The following ERG variants were observed in gnomAD, a reference collection of about 807,000 sequenced individuals.
ERG encodes transcriptional regulator ERG.
A neutral mutation model predicts 55.3 loss-of-function variants in ERG; 9 were observed. The observed-to-expected ratio is 0.16, with a 90% CI of 0.10 to 0.28. The LOEUF (loss-of-function observed/expected upper bound fraction) is 0.28. Among genes scored for constraint, ERG ranks in the 10% least tolerant of loss-of-function variants. The pLI, the probability that ERG is intolerant of heterozygous loss-of-function variation, is 1.00. For missense variants in ERG, 434 were observed against 631.6 expected, an observed-to-expected ratio of 0.69 and a Z score of 3.35; for synonymous variants, 223 against 237.3, an observed-to-expected ratio of 0.94 and a Z score of 0.55.
intron 2 of ERG, among the ~76,000 whole-genome samples, chr21:38,512,092 A>G (rs2059516634): frequency 6.6e-6 from 1 of 152,150 alleles, no homozygotes; most frequent in South Asian, 2.1e-4. Context: ...AATCACATAA[A>G]CCAACAGCTG....
chr21:38,440,618 C>T (rs1277781172), intron 2 of ERG, among the ~76,000 whole-genome samples: 2 of 151,828 alleles, frequency 1.3e-5, no homozygotes, highest in South Asian at 2.1e-4. Context: ...GTAAGGAGTT[C>T]GAGACCAGCC....
chr21:38,445,370 G>C (rs1175697716), intron 2 of ERG, 34 bp downstream of exon 2: 3 of 1,544,592 alleles, frequency 1.9e-6, no homozygotes, highest in African/African-American at 1.4e-5. Context: ...GAAAATGGGA[G>C]GTCAGGGAGA....
intron 1 of ERG, among the ~76,000 whole-genome samples, chr21:38,648,477 G>A (rs553523132): frequency 2.0e-5 from 3 of 152,224 alleles, no homozygotes; most frequent in Non-Finnish European, 2.9e-5. Flanking sequence ...AGCGTGGACA[G>A]TAAATGGGGT....
chr21:38,615,768 A>G (rs2060255445), intron 1 of ERG, among the ~76,000 whole-genome samples: 2 of 151,856 alleles, frequency 1.3e-5, no homozygotes, highest in Admixed American at 6.6e-5. Context: ...CCTGGTTTGT[A>G]CTGACTGCCA....
At chr21:38,515,248 A>G (rs1402441540) in intron 2 of ERG, among the ~76,000 whole-genome samples, 1 of 151,972 alleles carries the variant, frequency 6.6e-6, no homozygotes, top group Non-Finnish European at 1.5e-5. Context: ...GCAGAGTCAA[A>G]AACAGACAAG....
At position 38,380,421 on chromosome 21, in the gene ERG, C is replaced by G. The variant is rs1987371961; in HGVS notation, c.*2982G>C. ...ATCAAACTAGGAACAAAAACACAGT[C>G]TTGACTGTGATTTGGTGATTTTACC... is the stretch of plus-strand genomic sequence containing the variant. On this transcript the variant is annotated 3_prime_UTR_variant, in exon 10 of 10. Transcript: ENST00000288319. 5 of 1,063,338 alleles carry G rather than the reference C, an allele frequency of 4.7e-6. No individual in the cohort carries two copies. Among genetic ancestry groups the G allele is most frequent in the Non-Finnish European group, 4.6e-6 (4 of 878,160 alleles). The allele number at this position is 1,063,338 out of a possible 1,614,324, so 65.9% of individuals were successfully genotyped here.
At position 38,383,880 on chromosome 21, in the gene ERG, C is replaced by T. The variant is rs1230185728; in HGVS notation, c.963G>A (p.Leu321=). 6.2e-7 allele frequency: 1 copy of T among 1,613,808 alleles called. No homozygotes were observed. The highest frequency in any genetic ancestry group is 8.5e-7 in the Non-Finnish European group (1 of 1,179,976). ...TGCAGCTGGAGTTGGAGCTGTCCGA[C>T]AGGAGCTCCAGGAGGAACTGCCAAA... is the stretch of plus-strand genomic sequence containing the variant. The part of the protein sequence containing the change: ...IQLWQFLLEL[L]SDSSNSSCIT... Residue 321 remains leucine (L), a synonymous_variant, in exon 10 of 10, where the codon CTG becomes CTA. Coordinates refer to ENST00000288319, the MANE Select transcript of ERG (RefSeq NM_182918.4). The surrounding 1 kb of genome is among the most constrained non-coding windows in gnomAD (Gnocchi z 5.7).
chr21:38,586,621 T>G (rs543736199), upstream of ERG, among the ~76,000 whole-genome samples: 1 of 152,168 alleles, frequency 6.6e-6, no homozygotes, highest in African/African-American at 2.4e-5. Context: ...GGTGGGAACG[T>G]AGATCAGTAC....
chr21:38,415,497 T>C (rs2146484200), intron 3 of ERG, among the ~76,000 whole-genome samples: 1 of 152,220 alleles, frequency 6.6e-6, no homozygotes, highest in African/African-American at 2.4e-5. Flanking sequence ...TCTATTTTAG[T>C]GGGTTTTGTT....
intron 2 of ERG, among the ~76,000 whole-genome samples, chr21:38,439,071 A>G (rs575855275): frequency 5.7e-4 from 87 of 152,280 alleles, no homozygotes; most frequent in African/African-American, 2.0e-3. Context: ...TGGCCTGCAG[A>G]CTGGGCTGAG....
intron 1 of ERG, among the ~76,000 whole-genome samples, chr21:38,583,304 A>G (rs1013071895): frequency 3.3e-5 from 5 of 152,202 alleles, no homozygotes; most frequent in Admixed American, 6.5e-5. Flanking sequence ...CATAGGGCCC[A>G]TGATTTAAGG....
chr21:38,498,704 G>C (rs1001253710), upstream of ERG, among the ~76,000 whole-genome samples: 1 of 151,942 alleles, frequency 6.6e-6, no homozygotes, highest in African/African-American at 2.4e-5. The surrounding 1 kb of genome is among the most constrained non-coding windows in gnomAD (Gnocchi z 4.6). Context: ...AGGTGTGACC[G>C]GTGTGCCGCC....
At chr21:38,405,632 G>A (rs1020915678) in intron 3 of ERG, among the ~76,000 whole-genome samples, 8 of 152,228 alleles carry the variant, frequency 5.3e-5, no homozygotes, top group South Asian at 2.1e-4. Flanking sequence ...TCCTCCAACC[G>A]CGGAAGCATC....
chr21:38,529,287 G>A (rs1301690643), intron 2 of ERG, among the ~76,000 whole-genome samples: 2 of 152,300 alleles, frequency 1.3e-5, no homozygotes, highest in East Asian at 1.9e-4. Context: ...GAGGCAGGGA[G>A]ATGAGGGAGG....
At chr21:38,618,417 C>T (rs938646013) in intron 1 of ERG, among the ~76,000 whole-genome samples, 8 of 152,170 alleles carry the variant, frequency 5.3e-5, no homozygotes, top group African/African-American at 1.9e-4. Context: ...CACAAAGTAA[C>T]GTGGAGCAGA....
rs150860685 is a variant in ERG at position 38,461,890 on chromosome 21, C to T, written c.19-16269G>A. Among the ~76,000 whole-genome samples the T allele has an allele frequency of 2.5e-3, 371 of 151,394 alleles. 8 individuals are homozygous for T. The East Asian group carries it at 0.054, about 22-fold the overall frequency. ...TGTGATCTCGGCTCACTGCAACCTC[C>T]GCCTCCTGGGTTCAAGTGATTCTCC... On this transcript the variant is annotated intron_variant, in intron 1 of 9. Coordinates refer to ENST00000288319, the MANE Select transcript of ERG (RefSeq NM_182918.4).
intron 2 of ERG, among the ~76,000 whole-genome samples, chr21:38,556,047 C>T (rs1191387246): frequency 6.6e-6 from 1 of 151,216 alleles, no homozygotes; most frequent in Non-Finnish European, 1.5e-5. Flanking sequence ...CTGAAGCCAA[C>T]AAAAAATATT....
intron 1 of ERG, among the ~76,000 whole-genome samples, chr21:38,482,992 AAG>A (rs1169104738): frequency 6.6e-6 from 1 of 152,178 alleles, no homozygotes; most frequent in African/African-American, 2.4e-5. Flanking sequence ...AGCTTTCAAA[AAG>A]AGATTCTGCC....
At chr21:38,628,530 A>G (rs1445677560) in intron 1 of ERG, among the ~76,000 whole-genome samples, 3 of 152,182 alleles carry the variant, frequency 2.0e-5, no homozygotes, top group South Asian at 2.1e-4. Context: ...TCCCTGCTCA[A>G]TAGCCACCTG....
Sources: allele counts gnomAD v4.1 joint callset (sites outside exome capture counted in the v4.1 genomes callset), GRCh38; gene constraint gnomAD v4.1.1; non-coding constraint Gnocchi (gnomAD v3.1); transcripts MANE v1.5; gene names NCBI Gene and HGNC (gene_info 2026-07-23, HGNC 2026-07-21).